ST6GAL1: variants seen among roughly 807,000 people sequenced by gnomAD.
ST6GAL1 encodes ST6 beta-galactoside alpha-2,6-sialyltransferase 1.
A neutral mutation model predicts 38.0 loss-of-function variants in ST6GAL1; 20 were observed. The observed-to-expected ratio is 0.53, with a 90% CI of 0.37 to 0.77. ST6GAL1 has a LOEUF of 0.77. ST6GAL1 is among the 30% of genes least tolerant of loss of function. The pLI, the probability that ST6GAL1 is intolerant of heterozygous loss-of-function variation, is 0.00. For synonymous variants in ST6GAL1, 196 were observed against 188.2 expected, an observed-to-expected ratio of 1.04 and a Z score of -0.34; for missense variants, 432 against 496.4, an observed-to-expected ratio of 0.87 and a Z score of 1.23.
intron 1 of ST6GAL1, among the ~76,000 whole-genome samples, chr3:186,939,225 C>T (rs1441401271): frequency 1.3e-5 from 2 of 152,062 alleles, no homozygotes; most frequent in African/African-American, 2.4e-5. Context: ...AGGCATGCAC[C>T]ACCACACCCA....
At chr3:187,021,940 T>A (rs1330629909) in intron 2 of ST6GAL1, 1 of 147,304 alleles carries the variant, frequency 6.8e-6, no homozygotes, top group South Asian at 2.2e-4. Context: ...CCTTCTCCCA[T>A]ACCTTGCTCT....
chr3:186,987,140 A>G (rs764387382), intron 2 of ST6GAL1, among the ~76,000 whole-genome samples: 161 of 130,678 alleles, frequency 1.2e-3, no homozygotes, highest in Non-Finnish European at 2.1e-3. Flanking sequence ...AAGGAAAGAA[A>G]GAAGGAAGGG....
chr3:186,960,229 C>G (rs1714887630), intron 1 of ST6GAL1, among the ~76,000 whole-genome samples: 1 of 152,176 alleles, frequency 6.6e-6, no homozygotes, highest in African/African-American at 2.4e-5. Flanking sequence ...TAGCCACCCT[C>G]TTCCTTAGAA....
intron 2 of ST6GAL1, among the ~76,000 whole-genome samples, chr3:187,004,163 C>T (rs894439202): frequency 1.3e-5 from 2 of 152,224 alleles, no homozygotes; most frequent in African/African-American, 4.8e-5. Flanking sequence ...GTGCCTGCTT[C>T]TGCTTCACCT....
intron 5 of ST6GAL1, among the ~76,000 whole-genome samples, chr3:187,059,392 C>G (rs775857191): frequency 6.6e-6 from 1 of 152,204 alleles, no homozygotes; most frequent in African/African-American, 2.4e-5. Context: ...TAGTCAGGAA[C>G]CCTGGAGCTG....
At chr3:187,058,145 T>C (rs1176263327) in intron 5 of ST6GAL1, among the ~76,000 whole-genome samples, 1 of 152,160 alleles carries the variant, frequency 6.6e-6, no homozygotes, top group East Asian at 1.9e-4. Flanking sequence ...TTTAAGACAG[T>C]TGGAAAAGCG....
chr3:186,973,051 T>C (rs1047275865), intron 2 of ST6GAL1, among the ~76,000 whole-genome samples: 11 of 152,196 alleles, frequency 7.2e-5, no homozygotes, highest in African/African-American at 2.7e-4. Context: ...ATTTTTATTT[T>C]TGAGATGGAG....
rs780173064 is a variant in ST6GAL1 at position 186,952,302 on chromosome 3, A to T, written c.-324-11483A>T. ...AACCATACCGGTCAGGCTCACCAGT[A>T]TCCTCTCTTGCCAAATCCAGTGGTC... is the stretch of plus-strand genomic sequence containing the variant. On this transcript the variant is annotated intron_variant, in intron 1 of 7. Coordinates refer to ENST00000169298, the MANE Select transcript of ST6GAL1 (RefSeq NM_173216.2). The surrounding 1 kb of genome is among the most constrained non-coding windows in gnomAD (Gnocchi z 4.1). Among the ~76,000 whole-genome samples, 1 of 152,080 alleles carries T rather than the reference A, an allele frequency of 6.6e-6. No homozygotes were observed. The highest frequency in any genetic ancestry group is 1.5e-5 in the Non-Finnish European group (1 of 68,022).
chr3:187,043,309 C>G lies in ST6GAL1; in HGVS notation c.606C>G (p.Ile202Met). Residue 202 changes from isoleucine (I) to methionine (M), a missense_variant and splice_region_variant, in exon 4 of 8, where the codon ATC becomes ATG. Physicochemically the swap from Ile to Met is conservative, Grantham distance 10. Transcript: ENST00000169298. ...SLKSSQLGRE[I>M]DDHDAVLRFN... ...AGTCCTCCCAACTAGGCAGAGAAATCGGTATGTTCTGGGGTTGTTCTGTGA... is the reference window on the plus strand; with the variant it reads ...AGTCCTCCCAACTAGGCAGAGAAATGGGTATGTTCTGGGGTTGTTCTGTGA... 1 of 1,612,116 alleles carries G rather than the reference C, an allele frequency of 6.2e-7. No individual in the cohort carries two copies. Among genetic ancestry groups the G allele is most frequent in the East Asian group, 2.2e-5 (1 of 44,868 alleles).
At chr3:187,001,634 A>C (rs534922929) in intron 2 of ST6GAL1, among the ~76,000 whole-genome samples, 2 of 152,298 alleles carry the variant, frequency 1.3e-5, no homozygotes, top group Admixed American at 1.3e-4. Flanking sequence ...AGTGTCCTGC[A>C]CATAAAGGGC....
chr3:187,069,331 C>T (rs1000378233), intron 5 of ST6GAL1, among the ~76,000 whole-genome samples: 9 of 152,266 alleles, frequency 5.9e-5, no homozygotes, highest in South Asian at 2.1e-4. Flanking sequence ...GACAGGGTTT[C>T]GCCATGTTGG....
intron 1 of ST6GAL1, among the ~76,000 whole-genome samples, chr3:186,933,304 C>T (rs1418898294): frequency 6.6e-6 from 1 of 152,176 alleles, no homozygotes; most frequent in Non-Finnish European, 1.5e-5. Flanking sequence ...GGAACTTTTC[C>T]GTCTTCAGGT....
intron 2 of ST6GAL1, among the ~76,000 whole-genome samples, chr3:187,019,743 A>G (rs1002084815): frequency 1.3e-5 from 2 of 152,196 alleles, no homozygotes; most frequent in African/African-American, 4.8e-5. Context: ...GCACTATGCC[A>G]CCCTCTGGGG....
intron 1 of ST6GAL1, among the ~76,000 whole-genome samples, chr3:186,940,372 A>G (rs533885319): frequency 2.5e-4 from 38 of 152,252 alleles, no homozygotes; most frequent in African/African-American, 9.1e-4. Context: ...TCTCTTTGCA[A>G]TGACTACTGT....
In ST6GAL1 at chr3:187,077,902, A is replaced by G. The variant is rs895148131; in HGVS notation, c.*2099A>G. 6.5e-6 allele frequency: 1 copy of G among 152,702 alleles called. No homozygotes were observed. The highest frequency in any genetic ancestry group is 2.4e-5 in the African/African-American group (1 of 41,432). 9.5% of individuals were successfully genotyped at this position (152,702 alleles called of 1,614,324 possible). A position where few individuals can be genotyped will look rare whatever the true frequency, so the allele number is the denominator to read the frequency against. ...CATGCAAAGCAGTGGACAACACAGA[A>G]CACGCCCTCCTCCTCGCTGCCTGCA... On this transcript the variant is annotated 3_prime_UTR_variant, in exon 8 of 8. Transcript: ENST00000169298.
chr3:187,003,739 G>A (rs879908162), intron 2 of ST6GAL1, among the ~76,000 whole-genome samples: 32 of 152,164 alleles, frequency 2.1e-4, no homozygotes, highest in Non-Finnish European at 3.7e-4. Context: ...TTGAAAATCC[G>A]TCAGACAGCA....
intron 1 of ST6GAL1, among the ~76,000 whole-genome samples, chr3:186,945,388 T>C (rs1264025997): frequency 1.3e-5 from 2 of 152,078 alleles, no homozygotes; most frequent in Non-Finnish European, 1.5e-5. Flanking sequence ...CTCAAATTAC[T>C]TTGCAAGTAT....
intron 2 of ST6GAL1, among the ~76,000 whole-genome samples, chr3:186,969,051 C>CTTTTTTTTTTTTTTT (rs34520153): frequency 1.1e-5 from 1 of 89,254 alleles, no homozygotes. Context: ...TTCTCTTTTT[C>CTTTTTTTTTTTTTTT]TTTTTTTTTT....
intron 5 of ST6GAL1, among the ~76,000 whole-genome samples, chr3:187,053,068 A>G (rs1381776961): frequency 1.3e-5 from 2 of 152,236 alleles, no homozygotes; most frequent in East Asian, 3.9e-4. Flanking sequence ...GCATTTTTTC[A>G]TGTGCCTGTT....
Sources: gnomAD v4.1 joint callset for allele counts (sites outside exome capture counted in the v4.1 genomes callset) on GRCh38, gnomAD v4.1.1 for gene constraint, Gnocchi (gnomAD v3.1) non-coding constraint, MANE v1.5 for transcripts, NCBI Gene and HGNC (gene_info 2026-07-23, HGNC 2026-07-21) for gene names.